The following KIRREL3 variants were observed in gnomAD, a reference collection of about 807,000 sequenced individuals.
KIRREL3 encodes kirre like nephrin family adhesion molecule 3, also known as kin of IRRE-like protein 3.
Under a neutral mutation model 89.7 loss-of-function variants are expected in KIRREL3, and 36 were observed. The observed-to-expected ratio is 0.40, with a 90% CI of 0.31 to 0.53. KIRREL3 has a LOEUF of 0.53. Ranked by LOEUF, KIRREL3 falls within the 20% of genes least tolerant of loss-of-function variation. The pLI is 0.49. For missense variants in KIRREL3, 864 were observed against 1,056.6 expected (o/e 0.82, Z 2.53); for synonymous variants, 445 against 441.4 (o/e 1.01, Z -0.10).
chr11:126,425,630 C>T lies in KIRREL3; in HGVS notation c.1893+8G>A, dbSNP rs371593778. ...TGGCTGTGTCTTATAACCCGGGGCCCTTCTTACCTTCAGGTTCTGAAACTC... is the reference window on the plus strand; with the variant it reads ...TGGCTGTGTCTTATAACCCGGGGCCTTTCTTACCTTCAGGTTCTGAAACTC... On this transcript the variant is annotated splice_region_variant and intron_variant, in intron 16 of 16. Coordinates refer to ENST00000525144, the MANE Select transcript of KIRREL3 (RefSeq NM_032531.4). The T allele has an allele frequency of 6.4e-7, 1 of 1,572,952 alleles. No individual in the cohort carries two copies. Among genetic ancestry groups the T allele is most frequent in the Non-Finnish European group, 8.6e-7 (1 of 1,157,192 alleles).
chr11:126,749,059 C>T (rs746543602), intron 1 of KIRREL3, among the ~76,000 whole-genome samples: 3 of 152,152 alleles, frequency 2.0e-5, no homozygotes, highest in Non-Finnish European at 4.4e-5. Flanking sequence ...GACCACCTTC[C>T]CTGGAGAGTC....
At chr11:126,617,735 T>C (rs2134825775) in intron 1 of KIRREL3, among the ~76,000 whole-genome samples, 1 of 152,324 alleles carries the variant, frequency 6.6e-6, no homozygotes, top group Non-Finnish European at 1.5e-5. Flanking sequence ...TTTATCCCCA[T>C]TTTTCAGATG....
At chr11:126,444,233 G>T (rs1955700340) in intron 10 of KIRREL3, among the ~76,000 whole-genome samples, 1 of 152,116 alleles carries the variant, frequency 6.6e-6, no homozygotes, top group Admixed American at 6.5e-5. Flanking sequence ...GCCCTCAAGG[G>T]GGCCCCTGAA....
chr11:126,726,003 A>G (rs1180599806), intron 1 of KIRREL3, among the ~76,000 whole-genome samples: 1 of 152,208 alleles, frequency 6.6e-6, no homozygotes, highest in Non-Finnish European at 1.5e-5. Context: ...TTCTTGAATG[A>G]ATCAAAGCAA....
rs1287043195 is a variant in KIRREL3, at chr11:126,748,626, T to C, written c.56-185714A>G. On this transcript the variant is annotated intron_variant, in intron 1 of 16. Coordinates refer to ENST00000525144, the MANE Select transcript of KIRREL3 (RefSeq NM_032531.4). The surrounding 1 kb of genome is among the most constrained non-coding windows in gnomAD (Gnocchi z 4.6). ...GTGCTGTGGCAGGAAAGAAGAGGCCTCTGCGGGAAGGGGGCAGGGGCAGGA... is the reference window on the plus strand; with the variant it reads ...GTGCTGTGGCAGGAAAGAAGAGGCCCCTGCGGGAAGGGGGCAGGGGCAGGA... Among the ~76,000 whole-genome samples the C allele has an allele frequency of 6.6e-6, 1 of 152,054 alleles. No homozygotes were observed. Among genetic ancestry groups the C allele is most frequent in the Non-Finnish European group, 1.5e-5 (1 of 68,002 alleles).
chr11:126,681,850 G>A (rs1320257243), intron 1 of KIRREL3: 5 of 453,348 alleles, frequency 1.1e-5, no homozygotes, highest in East Asian at 7.0e-5. Context: ...TCCCAGGTCC[G>A]GAAGGACAAG....
intron 8 of KIRREL3, 92 bp from the exon 9 acceptor site, chr11:126,446,978 C>CT (rs1955845054): frequency 2.7e-6 from 4 of 1,480,324 alleles, no homozygotes; most frequent in Non-Finnish European, 3.7e-6. Flanking sequence ...TAGACCTTGA[C>CT]TGGGGGGAGG....
chr11:126,472,488 C>T (rs1302950248), intron 5 of KIRREL3, among the ~76,000 whole-genome samples: 2 of 152,264 alleles, frequency 1.3e-5, no homozygotes, highest in East Asian at 1.9e-4. Context: ...AAGCTCCACC[C>T]CCATGACCTG....
intron 2 of KIRREL3, among the ~76,000 whole-genome samples, chr11:126,532,202 G>C (rs1403853804): frequency 6.6e-6 from 1 of 152,152 alleles, no homozygotes; most frequent in Non-Finnish European, 1.5e-5. Context: ...AAGTTCACTT[G>C]ATTAGCTCAG....
In KIRREL3 at chr11:126,562,688, T is replaced by C; in HGVS notation, c.133+147A>G. On this transcript the variant is annotated intron_variant, in intron 2 of 16. Transcript: ENST00000525144. The surrounding 1 kb of genome is among the most constrained non-coding windows in gnomAD (Gnocchi z 4.7). ...ATGCTTCCCCATGTGATTGTACAAA[T>C]GGCTTCATGGAAACCAAACTGGTCT... The C allele has an allele frequency of 1.7e-6, 1 of 582,842 alleles. No homozygotes were observed. Among genetic ancestry groups the C allele is most frequent in the South Asian group, 2.6e-5 (1 of 38,090 alleles). 36.1% of individuals were successfully genotyped at this position (582,842 alleles called of 1,614,324 possible). A position where few individuals can be genotyped will look rare whatever the true frequency, so the allele number is the denominator to read the frequency against.
chr11:126,547,916 T>C (rs1938942701), intron 2 of KIRREL3, among the ~76,000 whole-genome samples: 1 of 152,200 alleles, frequency 6.6e-6, no homozygotes, highest in Non-Finnish European at 1.5e-5. Context: ...TACTCTAACA[T>C]CTGTGTGCCT....
chr11:126,926,978 T>A (rs1327359394), intron 1 of KIRREL3, among the ~76,000 whole-genome samples: 1 of 152,236 alleles, frequency 6.6e-6, no homozygotes, highest in Admixed American at 6.5e-5. Context: ...CTGCCTGCCC[T>A]GTCTGCATGC....
chr11:126,984,804 C>T (rs1005613692), intron 1 of KIRREL3, among the ~76,000 whole-genome samples: 1 of 152,196 alleles, frequency 6.6e-6, no homozygotes, highest in East Asian at 1.9e-4. Flanking sequence ...GGAGCTTCCT[C>T]TGCCAAGAAC....
chr11:126,702,063 C>G (rs751686257), intron 1 of KIRREL3, among the ~76,000 whole-genome samples: 1 of 152,138 alleles, frequency 6.6e-6, no homozygotes, highest in Non-Finnish European at 1.5e-5. Context: ...GAGAGTGGGC[C>G]TGGAGCCAAA....
chr11:126,527,058 C>T lies in KIRREL3; in HGVS notation c.134-371G>A, dbSNP rs934863630. 6.6e-6 allele frequency among the ~76,000 whole-genome samples: 1 copy of T among 152,162 alleles called. No individual in the cohort carries two copies. Among genetic ancestry groups the T allele is most frequent in the Non-Finnish European group, 1.5e-5 (1 of 68,034 alleles). On this transcript the variant is annotated intron_variant, in intron 2 of 16. Transcript: ENST00000525144. This position sits in a 1 kb window ranked among gnomAD's most constrained non-coding sequence, Gnocchi z 4.2. ...ATGCAGTCCCACACCAGGGCAGAAACAGGAGAGAGAGAGAGAGACCTCTAG... is the reference window on the plus strand; with the variant it reads ...ATGCAGTCCCACACCAGGGCAGAAATAGGAGAGAGAGAGAGAGACCTCTAG...
At chr11:126,659,875 G>A (rs1945314409) in intron 1 of KIRREL3, among the ~76,000 whole-genome samples, 1 of 152,182 alleles carries the variant, frequency 6.6e-6, no homozygotes, top group Admixed American at 6.5e-5. Flanking sequence ...ATACTACTAA[G>A]TGTTGCCTTT....
intron 1 of KIRREL3, among the ~76,000 whole-genome samples, chr11:126,793,674 T>G (rs1443451609): frequency 7.2e-5 from 11 of 152,146 alleles, no homozygotes; most frequent in Non-Finnish European, 1.5e-4. Context: ...TTTGAGAGAC[T>G]AAACTATTTC....
chr11:126,682,953 C>T lies in KIRREL3; in HGVS notation c.56-120041G>A, dbSNP rs1946525990. On this transcript the variant is annotated intron_variant, in intron 1 of 16. Transcript: ENST00000525144. This position sits in a 1 kb window ranked among gnomAD's most constrained non-coding sequence, Gnocchi z 4.8. The stretch of plus-strand genomic sequence containing the variant: ...TTAAATTACTATGACCTCCTGGGCT[C>T]AAGCAATCCTCGCACCTCAGCCTCC... 6.6e-6 allele frequency among the ~76,000 whole-genome samples: 1 copy of T among 152,166 alleles called. No homozygotes were observed. Among genetic ancestry groups the T allele is most frequent in the South Asian group, 2.1e-4 (1 of 4,822 alleles).
rs1430134536 is a variant in KIRREL3 at position 126,569,050 on chromosome 11, G to C, written c.56-6138C>G. ...AGCTTGGGAATGGAGAGGAAATGAT[G>C]AATCAGAGACATTCCAAGAAGAGAC... On this transcript the variant is annotated intron_variant, in intron 1 of 16. Coordinates refer to ENST00000525144, the MANE Select transcript of KIRREL3 (RefSeq NM_032531.4). The surrounding 1 kb of genome is among the most constrained non-coding windows in gnomAD (Gnocchi z 6.5). 6.6e-6 allele frequency among the ~76,000 whole-genome samples: 1 copy of C among 152,214 alleles called. No homozygotes were observed. Among genetic ancestry groups the C allele is most frequent in the East Asian group, 1.9e-4 (1 of 5,158 alleles).
Sources: allele counts gnomAD v4.1 joint callset (sites outside exome capture counted in the v4.1 genomes callset), GRCh38; gene constraint gnomAD v4.1.1; non-coding constraint Gnocchi (gnomAD v3.1); transcripts MANE v1.5; gene names NCBI Gene and HGNC (gene_info 2026-07-23, HGNC 2026-07-21).